KCNV2: variants seen among roughly 807,000 people sequenced by gnomAD.
KCNV2 encodes the protein potassium voltage-gated channel modifier subfamily V member 2, also known as potassium voltage-gated channel subfamily V member 2.
KCNV2 carries 65 observed loss-of-function variants against 37.0 expected under a neutral mutation model. The observed-to-expected ratio is 1.76, with a 90% confidence interval of 1.44 to 2.16. KCNV2 has a LOEUF of 2.16. Ranked by LOEUF, KCNV2 falls within the 30% of genes most tolerant of loss-of-function variation. The pLI is 0.00. For synonymous variants in KCNV2, 518 were observed against 328.6 expected, an observed-to-expected ratio of 1.58 and a Z score of -6.23; for missense variants, 1,232 against 766.7, an observed-to-expected ratio of 1.61 and a Z score of -7.17.
chr9:2,724,446 A>G lies in KCNV2; in HGVS notation c.1357-5000A>G, dbSNP rs190515148. Among the ~76,000 whole-genome samples, 286 of 152,372 alleles carry G rather than the reference A, an allele frequency of 1.9e-3. 1 individual carries two copies. The highest frequency in any genetic ancestry group is 0.017 in the Middle Eastern group (5 of 294). ...CAAGGAAATAGATAGTTGTTAGAAGACTAGAAGAAGAAAAAAAAGAAGACT... is the reference window on the plus strand; with the variant it reads ...CAAGGAAATAGATAGTTGTTAGAAGGCTAGAAGAAGAAAAAAAAGAAGACT... On this transcript the variant is annotated intron_variant, in intron 1 of 1. Transcript: ENST00000382082.
At chr9:2,723,305 A>G (rs943602047) in intron 1 of KCNV2, among the ~76,000 whole-genome samples, 1 of 152,162 alleles carries the variant, frequency 6.6e-6, no homozygotes, top group Admixed American at 6.5e-5. Context: ...CCATTCTTTT[A>G]TGTATTTTTA....
Position 2,729,340 on chromosome 9 carries a change from C to T in KCNV2, c.1357-106C>T, listed in dbSNP as rs1586692738. On this transcript the variant is annotated intron_variant, in intron 1 of 1. Transcript: ENST00000382082. ...GGCTCCGTGGGAAGCCATTACACTT[C>T]CCATGTGTACCCACAGGGAGGACGC... is the stretch of plus-strand genomic sequence containing the variant. 2.4e-6 allele frequency: 3 copies of T among 1,265,820 alleles called. No individual in the cohort carries two copies. The East Asian group carries it at 7.0e-5, about 29-fold the overall frequency. The allele number at this position is 1,265,820 out of a possible 1,614,324, so 78.4% of individuals were successfully genotyped here.
chr9:2,728,909 A>AAGAGAGAGAGAGAGAG (rs370059688), intron 1 of KCNV2, among the ~76,000 whole-genome samples: 3 of 151,270 alleles, frequency 2.0e-5, no homozygotes, highest in African/African-American at 7.3e-5. Flanking sequence ...AAAAAAGAAA[A>AAGAGAGAGAGAGAGAG]AGAGAGAGAG....
In KCNV2 at chr9:2,718,302, G is replaced by T; in HGVS notation, c.563G>T (p.Trp188Leu). ...PRRFLEELGY[W>L]GVRLKYTPRC... ...CGCTTCCTGGAGGAGCTGGGCTACTGGGGCGTGCGGCTCAAGTACACGCCA... is the reference window on the plus strand; with the variant it reads ...CGCTTCCTGGAGGAGCTGGGCTACTTGGGCGTGCGGCTCAAGTACACGCCA... The change falls in exon 1 of 2, where the codon TGG becomes TTG. Residue 188 changes from tryptophan to leucine, a missense_variant. Trp to Leu is a moderately conservative substitution (Grantham distance 61). Coordinates refer to ENST00000382082, the MANE Select transcript of KCNV2 (RefSeq NM_133497.4). 6.2e-7 allele frequency: 1 copy of T among 1,609,366 alleles called. No individual in the cohort carries two copies. Among genetic ancestry groups the T allele is most frequent in the Non-Finnish European group, 8.5e-7 (1 of 1,179,244 alleles).
chr9:2,719,900 C>T (rs1452504591), intron 1 of KCNV2, among the ~76,000 whole-genome samples: 1 of 152,178 alleles, frequency 6.6e-6, no homozygotes, highest in Non-Finnish European at 1.5e-5. Flanking sequence ...TCATTGTTTT[C>T]TTTGGCCTTT....
chr9:2,719,159 C>T (rs1233889945), intron 1 of KCNV2, 64 bp downstream of exon 1: 2 of 1,569,224 alleles, frequency 1.3e-6, no homozygotes, highest in African/African-American at 2.7e-5. Flanking sequence ...CTCCTCCCTC[C>T]CCTGGTTATC....
chr9:2,719,841 T>G, intron 1 of KCNV2, among the ~76,000 whole-genome samples: 1 of 152,252 alleles, frequency 6.6e-6, no homozygotes, highest in East Asian at 1.9e-4. Flanking sequence ...TTTTAGTTCT[T>G]TTGCATGCAT....
At chr9:2,721,718 G>T (rs1819872795) in intron 1 of KCNV2, among the ~76,000 whole-genome samples, 1 of 152,136 alleles carries the variant, frequency 6.6e-6, no homozygotes, top group Non-Finnish European at 1.5e-5. Flanking sequence ...GAGAAAGACA[G>T]ATAATAAATA....
At chr9:2,728,909 A>AAGAG (rs370059688) in intron 1 of KCNV2, among the ~76,000 whole-genome samples, 3 of 151,268 alleles carry the variant, frequency 2.0e-5, no homozygotes, top group African/African-American at 7.3e-5. Context: ...AAAAAAGAAA[A>AAGAG]AGAGAGAGAG....
At chr9:2,725,319 G>A (rs142052468) in intron 1 of KCNV2, among the ~76,000 whole-genome samples, 1 of 152,296 alleles carries the variant, frequency 6.6e-6, no homozygotes, top group African/African-American at 2.4e-5. Context: ...CATTCTAACA[G>A]TGATTCCACT....
Position 2,718,449 on chromosome 9 carries a change from G to A in KCNV2, c.710G>A (p.Arg237His), listed in dbSNP as rs1348397263. The A allele has an allele frequency of 1.2e-6, 2 of 1,607,542 alleles. No individual in the cohort carries two copies. The highest frequency in any genetic ancestry group is 2.7e-5 in the African/African-American group (2 of 75,004). The part of the protein sequence containing the change: ...EEAEELFRDM[R>H]FYGPQRRRLW... The stretch of plus-strand genomic sequence containing the variant: ...GCGGAGGAACTCTTCCGCGACATGC[G>A]CTTCTACGGCCCGCAGCGGCGCCGC... Residue 237 changes from arginine to histidine, a missense_variant, in exon 1 of 2, where the codon CGC (arginine) becomes CAC (histidine). Coordinates refer to ENST00000382082, the MANE Select transcript of KCNV2 (RefSeq NM_133497.4).
intron 1 of KCNV2, chr9:2,720,430 G>C (rs1025788103): frequency 6.6e-6 from 1 of 152,098 alleles, no homozygotes. Context: ...ATGTATAGAG[G>C]ATATGTGAGC....
rs2130860321 is a variant in KCNV2, at chr9:2,718,000, G to A, written c.261G>A (p.Glu87=). 1.2e-6 allele frequency: 2 copies of A among 1,614,016 alleles called. No homozygotes were observed. Among genetic ancestry groups the A allele is most frequent in the Non-Finnish European group, 8.5e-7 (1 of 1,179,958 alleles). The change falls in exon 1 of 2, where the codon GAG becomes GAA. Residue 87 remains glutamate (E), a synonymous_variant. Transcript: ENST00000382082. ...QAGEVTTAKP[E]GPSDPPALLS... ...GGGAGGTCACCACCGCCAAGCCCGA[G>A]GGCCCCAGCGACCCTCCGGCCCTGC...
chr9:2,718,671 GCTT>G lies in KCNV2; in HGVS notation c.937_939del (p.Phe313del). The G allele has an allele frequency of 6.2e-7, 1 of 1,613,288 alleles. No individual in the cohort carries two copies. Among genetic ancestry groups the G allele is most frequent in the Admixed American group, 1.7e-5 (1 of 60,026 alleles). ...GAGCACGTGGAGATGCTGTGCATGG[GCTT>G]CTTCACGCTCGAGTACCTGCTGCGC... On this transcript the variant is annotated inframe_deletion, in exon 1 of 2. Transcript: ENST00000382082.
intron 1 of KCNV2, among the ~76,000 whole-genome samples, chr9:2,727,299 G>C (rs1377828591): frequency 6.9e-6 from 1 of 144,748 alleles, no homozygotes; most frequent in African/African-American, 2.5e-5. Context: ...TGGGGGAGGG[G>C]GGAGGGGTAG....
At position 2,719,023 on chromosome 9, in the gene KCNV2, T is replaced by C. The variant is rs2130862010; in HGVS notation, c.1284T>C (p.Ala428=). Residue 428 remains alanine (A), a synonymous_variant, in exon 1 of 2, where the codon GCT becomes GCC. Transcript: ENST00000382082. ...TGGGCATCTTCACTTTCTCTGCGGC[T>C]GTCTACTCTGTGGAGCACGATGTGC... ...IAMGIFTFSA[A]VYSVEHDVPS... The C allele has an allele frequency of 1.9e-6, 3 of 1,613,024 alleles. No individual in the cohort carries two copies. The highest frequency in any genetic ancestry group is 2.5e-6 in the Non-Finnish European group (3 of 1,180,028).
rs543226684 is a variant in KCNV2, at chr9:2,717,938, T to C, written c.199T>C (p.Trp67Arg). The C allele has an allele frequency of 3.6e-5, 58 of 1,613,898 alleles. No individual in the cohort carries two copies. Among genetic ancestry groups the C allele is most frequent in the Middle Eastern group, 1.6e-4 (1 of 6,062 alleles). ...CGAAGACGGCGAGGAGGAGGACCAG[T>C]GGAAGGACGACCTGGCAGAAGAGGA... ...EDEDGEEEDQ[W>R]KDDLAEEDQQ... Residue 67 changes from tryptophan (W) to arginine (R), a missense_variant, in exon 1 of 2, where the codon TGG becomes CGG. By Grantham distance (101) the Trp-to-Arg change is moderately radical. Transcript: ENST00000382082.
Position 2,718,886 on chromosome 9 carries a change from C to T in KCNV2, c.1147C>T (p.Arg383Cys), listed in dbSNP as rs1430861700. The T allele has an allele frequency of 2.5e-6, 4 of 1,608,552 alleles. No individual in the cohort carries two copies. The highest frequency in any genetic ancestry group is 3.4e-6 in the Non-Finnish European group (4 of 1,179,996). The stretch of plus-strand genomic sequence containing the variant: ...GGTGTTGCGCGTCATGCGCCTCATG[C>T]GCATCTTCCGCATCCTCAAGCTGGC... ...GQVLRVMRLM[R>C]IFRILKLARH... is the part of the protein sequence containing the mutation. The change falls in exon 1 of 2, where the codon CGC becomes TGC. Residue 383 changes from arginine to cysteine, a missense_variant. Coordinates refer to ENST00000382082, the MANE Select transcript of KCNV2 (RefSeq NM_133497.4).
chr9:2,723,597 T>C (rs1166237778), intron 1 of KCNV2, among the ~76,000 whole-genome samples: 1 of 152,254 alleles, frequency 6.6e-6, no homozygotes, highest in African/African-American at 2.4e-5. Flanking sequence ...TGTAAACTGC[T>C]AGCCTATAGT....
Sources: gnomAD v4.1 joint callset for allele counts (sites outside exome capture counted in the v4.1 genomes callset) on GRCh38, gnomAD v4.1.1 for gene constraint, MANE v1.5 for transcripts, NCBI Gene and HGNC (gene_info 2026-07-23, HGNC 2026-07-21) for gene names.